The following RAB3B variants were observed in gnomAD, a reference collection of about 807,000 sequenced individuals.
RAB3B encodes ras-related protein Rab-3B.
Under a neutral mutation model 20.5 loss-of-function variants are expected in RAB3B, and 11 were observed. The ratio of observed to expected loss-of-function variants is 0.54; its 90% CI spans 0.34 to 0.89. The LOEUF (loss-of-function observed/expected upper bound fraction) is 0.89. Among genes scored for constraint, RAB3B ranks in the 40% least tolerant of loss-of-function variants. The pLI is 0.02. For synonymous variants in RAB3B, 99 were observed against 106.3 expected (o/e 0.93, Z 0.42); for missense variants, 225 against 280.9 (o/e 0.80, Z 1.42).
rs752271180 is a variant in RAB3B at position 51,915,555 on chromosome 1, A to G, written c.*4372T>C. On this transcript the variant is annotated 3_prime_UTR_variant, in exon 5 of 5. Coordinates refer to ENST00000371655, the MANE Select transcript of RAB3B (RefSeq NM_002867.4). ...AAGTTAATAATGCTATAGACTGAGG[A>G]GACAATGAGTCACGAATCACTTTGT... 4.6e-5 allele frequency: 7 copies of G among 152,350 alleles called. No homozygotes were observed. The highest frequency in any genetic ancestry group is 1.0e-4 in the Non-Finnish European group (7 of 68,046). 9.4% of individuals were successfully genotyped at this position (152,350 alleles called of 1,614,324 possible). A position where few individuals can be genotyped will look rare whatever the true frequency, so the allele number is the denominator to read the frequency against.
Position 51,919,611 on chromosome 1 carries a change from T to C in RAB3B, c.*316A>G. 8.2e-6 allele frequency: 2 copies of C among 244,278 alleles called. No individual in the cohort carries two copies. Among genetic ancestry groups the C allele is most frequent in the Non-Finnish European group, 1.6e-5 (2 of 127,428 alleles). 15.1% of individuals were successfully genotyped at this position (244,278 alleles called of 1,614,324 possible). A position where few individuals can be genotyped will look rare whatever the true frequency, so the allele number is the denominator to read the frequency against. On this transcript the variant is annotated 3_prime_UTR_variant, in exon 5 of 5. Transcript: ENST00000371655. ...GTCAAATTTTGGTAAATGGAGGAAC[T>C]CTCATTTTAAAGGCAGAAAAGAGAC... is the stretch of plus-strand genomic sequence containing the variant.
chr1:51,917,706 A>C lies in RAB3B; in HGVS notation c.*2221T>G, dbSNP rs1441959907. The C allele has an allele frequency of 6.6e-6, 1 of 151,896 alleles. No individual in the cohort carries two copies. The highest frequency in any genetic ancestry group is 1.5e-5 in the Non-Finnish European group (1 of 68,088). 9.4% of individuals were successfully genotyped at this position (151,896 alleles called of 1,614,324 possible). On this transcript the variant is annotated 3_prime_UTR_variant, in exon 5 of 5. Transcript: ENST00000371655. The stretch of plus-strand genomic sequence containing the variant: ...CAAGTAGCTGGGACTACAGGCATGC[A>C]CCATCACATCTGGCTAATTTTTTTT...
At chr1:51,952,093 T>C (rs1262343975) in intron 2 of RAB3B, among the ~76,000 whole-genome samples, 1 of 152,218 alleles carries the variant, frequency 6.6e-6, no homozygotes, top group Non-Finnish European at 1.5e-5. Flanking sequence ...GCACAGGCCA[T>C]TAAAGACAGA....
intron 4 of RAB3B, among the ~76,000 whole-genome samples, chr1:51,928,554 G>A (rs1684278904): frequency 6.6e-6 from 1 of 152,236 alleles, no homozygotes; most frequent in Admixed American, 6.5e-5. Context: ...CACTGAAACT[G>A]ACTTAATACC....
chr1:51,981,277 C>T (rs1467359247), intron 1 of RAB3B, among the ~76,000 whole-genome samples: 3 of 152,182 alleles, frequency 2.0e-5, no homozygotes, highest in African/African-American at 7.2e-5. Context: ...ATCTGCCCTC[C>T]GTGGCCTCCC....
At chr1:51,958,412 G>C (rs1684738444) in intron 2 of RAB3B, among the ~76,000 whole-genome samples, 1 of 152,154 alleles carries the variant, frequency 6.6e-6, no homozygotes, top group African/African-American at 2.4e-5. Flanking sequence ...GTGGTGCTGA[G>C]AGGAAAGCCG....
At chr1:51,962,093 T>A (rs1684791518) in intron 2 of RAB3B, among the ~76,000 whole-genome samples, 1 of 152,188 alleles carries the variant, frequency 6.6e-6, no homozygotes, top group Non-Finnish European at 1.5e-5. Flanking sequence ...AGACCCTGAT[T>A]CAAATCTGGA....
chr1:51,969,627 T>C (rs1684901252), intron 2 of RAB3B, among the ~76,000 whole-genome samples: 1 of 152,162 alleles, frequency 6.6e-6, no homozygotes, highest in Non-Finnish European at 1.5e-5. Context: ...GCTTTTTTTT[T>C]TCCATTACGC....
intron 1 of RAB3B, among the ~76,000 whole-genome samples, chr1:51,983,665 T>C (rs1183867251): frequency 6.6e-6 from 1 of 152,110 alleles, no homozygotes. Flanking sequence ...ACTACAAAAA[T>C]ATGAGATTTT....
rs1484278347 is a variant in RAB3B, at chr1:51,908,122, TA to T, written c.*11804del. The T allele has an allele frequency of 6.6e-6, 1 of 152,188 alleles. No individual in the cohort carries two copies. The highest frequency in any genetic ancestry group is 1.5e-5 in the Non-Finnish European group (1 of 68,042). The allele number at this position is 152,188 out of a possible 1,614,324, so 9.4% of individuals were successfully genotyped here. Reference sequence around the variant, plus strand: ...CTTCTCTTTTGCTACTGTGTATATATATTCCTTTATATTTATACAAACTCAC... The same window carrying T: ...CTTCTCTTTTGCTACTGTGTATATATTTCCTTTATATTTATACAAACTCAC... On this transcript the variant is annotated 3_prime_UTR_variant, in exon 5 of 5. Coordinates refer to ENST00000371655, the MANE Select transcript of RAB3B (RefSeq NM_002867.4).
intron 4 of RAB3B, among the ~76,000 whole-genome samples, chr1:51,929,736 T>TACCATACAATTCACCC (rs746667841): frequency 3.8e-4 from 58 of 152,226 alleles, no homozygotes; most frequent in Non-Finnish European, 7.1e-4. Flanking sequence ...ATAATTCACA[T>TACCATACAATTCACCC]ACCATACAAT....
chr1:51,975,627 A>G (rs1684997475), intron 2 of RAB3B, among the ~76,000 whole-genome samples: 1 of 152,216 alleles, frequency 6.6e-6, no homozygotes. Flanking sequence ...ACACTCTAAG[A>G]GGCCAAATGG....
intron 1 of RAB3B, among the ~76,000 whole-genome samples, chr1:51,989,744 C>G (rs1006374035): frequency 6.6e-6 from 1 of 151,770 alleles, no homozygotes; most frequent in East Asian, 1.9e-4. Flanking sequence ...TCCTCTGCAG[C>G]AGGGTAGACC....
intron 4 of RAB3B, among the ~76,000 whole-genome samples, chr1:51,927,624 G>A (rs1047084911): frequency 1.3e-5 from 2 of 151,956 alleles, no homozygotes; most frequent in Non-Finnish European, 1.5e-5. Flanking sequence ...AAAAAAGCAA[G>A]CAAACAAACA....
intron 3 of RAB3B, among the ~76,000 whole-genome samples, chr1:51,934,384 T>C (rs1412512375): frequency 2.6e-5 from 4 of 152,186 alleles, no homozygotes; most frequent in Non-Finnish European, 4.4e-5. Flanking sequence ...ATGTGATTCA[T>C]AAACCTTCCC....
chr1:51,966,645 C>T (rs549028388), intron 2 of RAB3B, among the ~76,000 whole-genome samples: 41 of 152,306 alleles, frequency 2.7e-4, no homozygotes, highest in African/African-American at 8.9e-4. Context: ...AACTTACTTC[C>T]TCAGCAGCTG....
At chr1:51,989,479 T>G (rs1685194940) in intron 1 of RAB3B, among the ~76,000 whole-genome samples, 2 of 151,826 alleles carry the variant, frequency 1.3e-5, no homozygotes, top group South Asian at 4.2e-4. Flanking sequence ...GAGACACCGC[T>G]AGTGCGTGGA....
chr1:51,951,637 CTG>C (rs1437049935), intron 2 of RAB3B, among the ~76,000 whole-genome samples: 8 of 152,098 alleles, frequency 5.3e-5, no homozygotes, highest in Non-Finnish European at 1.2e-4. Flanking sequence ...CAAAGTGAGA[CTG>C]TGTTTCTACA....
rs915481228 is a variant in RAB3B at position 51,977,179 on chromosome 1, C to T, written c.1-62G>A. On this transcript the variant is annotated intron_variant, in intron 1 of 4. Coordinates refer to ENST00000371655, the MANE Select transcript of RAB3B (RefSeq NM_002867.4). ...TTCGGTGTCACCCTGAGTCACCATCCTTCTAATGGTCACCCCACCATTCAC... is the reference window on the plus strand; with the variant it reads ...TTCGGTGTCACCCTGAGTCACCATCTTTCTAATGGTCACCCCACCATTCAC... 261 of 1,248,622 alleles carry T rather than the reference C, an allele frequency of 2.1e-4. 2 individuals carry two copies. The highest frequency in any genetic ancestry group is 8.3e-4 in the South Asian group (65 of 78,332). The allele number at this position is 1,248,622 out of a possible 1,614,324, so 77.3% of individuals were successfully genotyped here.
Sources: allele counts gnomAD v4.1 joint callset (sites outside exome capture counted in the v4.1 genomes callset), GRCh38; gene constraint gnomAD v4.1.1; transcripts MANE v1.5; gene names NCBI Gene and HGNC (gene_info 2026-07-23, HGNC 2026-07-21).